Variants in IFTAP observed in about 807,000 individuals in gnomAD.
The protein encoded by IFTAP is intraflagellar transport-associated protein.
Under a neutral mutation model 19.4 loss-of-function variants are expected in IFTAP, and 19 were observed. That is an observed-to-expected ratio of 0.98 (90% CI 0.68 to 1.44). The LOEUF (loss-of-function observed/expected upper bound fraction) is 1.44, where lower values mean the gene tolerates loss of function less well. IFTAP is among the 40% of genes most tolerant of loss of function. The pLI, the probability that IFTAP is intolerant of heterozygous loss-of-function variation, is 0.00. For missense variants in IFTAP, 240 were observed against 253.6 expected (o/e 0.95, Z 0.36); for synonymous variants, 85 against 83.5 (o/e 1.02, Z -0.10).
At chr11:36,629,254 A>G (rs111274079) in intron 2 of IFTAP, among the ~76,000 whole-genome samples, 15 of 151,194 alleles carry the variant, frequency 9.9e-5, no homozygotes, top group African/African-American at 3.7e-4. Context: ...AGAGTACCCA[A>G]CCTTGTTATA....
intron 5 of IFTAP, among the ~76,000 whole-genome samples, chr11:36,651,471 G>A (rs1287313522): frequency 6.6e-6 from 1 of 152,140 alleles, no homozygotes; most frequent in East Asian, 1.9e-4. Context: ...CAGATGAGTA[G>A]ATTGCAAAAA....
chr11:36,625,139 CT>C (rs1333467977), intron 2 of IFTAP, among the ~76,000 whole-genome samples: 1 of 152,038 alleles, frequency 6.6e-6, no homozygotes, highest in Non-Finnish European at 1.5e-5. Context: ...ACTAGGTGGT[CT>C]TGGGAAACTT....
intron 2 of IFTAP, among the ~76,000 whole-genome samples, chr11:36,631,676 A>C (rs1262015238): frequency 6.6e-6 from 1 of 151,226 alleles, no homozygotes; most frequent in South Asian, 2.1e-4. Context: ...AGATAAAACA[A>C]TTGCTGAGTC....
intron 2 of IFTAP, among the ~76,000 whole-genome samples, chr11:36,630,020 T>A (rs1331124917): frequency 6.6e-6 from 1 of 151,198 alleles, no homozygotes; most frequent in Admixed American, 6.6e-5. Context: ...AGGGATAAGA[T>A]GAAAGGGTGG....
intron 4 of IFTAP, among the ~76,000 whole-genome samples, chr11:36,640,703 T>A (rs1401655338): frequency 6.6e-6 from 1 of 152,210 alleles, no homozygotes; most frequent in Non-Finnish European, 1.5e-5. Context: ...AGAACTCGTA[T>A]CTAGTACTGT....
At chr11:36,648,746 G>T (rs919420523) in intron 5 of IFTAP, among the ~76,000 whole-genome samples, 1 of 152,064 alleles carries the variant, frequency 6.6e-6, no homozygotes, top group Non-Finnish European at 1.5e-5. Flanking sequence ...GTACCTGGAG[G>T]GGAGGAGAGA....
At chr11:36,649,644 A>G (rs1279786026) in intron 5 of IFTAP, among the ~76,000 whole-genome samples, 1 of 152,158 alleles carries the variant, frequency 6.6e-6, no homozygotes, top group Non-Finnish European at 1.5e-5. Context: ...TCTGGAATCT[A>G]TCAAATAGCA....
chr11:36,604,555 A>G (rs1268763879), intron 1 of IFTAP, among the ~76,000 whole-genome samples: 3 of 152,224 alleles, frequency 2.0e-5, no homozygotes, highest in African/African-American at 2.4e-5. Flanking sequence ...TAGGTCTCTA[A>G]TATATAATGA....
chr11:36,606,529 AT>A (rs1280478182), intron 1 of IFTAP, among the ~76,000 whole-genome samples: 3 of 152,240 alleles, frequency 2.0e-5, no homozygotes, highest in Admixed American at 1.3e-4. Context: ...GCCTAGAAGG[AT>A]TTTGAATTTG....
intron 4 of IFTAP, among the ~76,000 whole-genome samples, chr11:36,641,398 C>T (rs1166661997): frequency 6.6e-6 from 1 of 152,094 alleles, no homozygotes; most frequent in Non-Finnish European, 1.5e-5. Flanking sequence ...AACAAAAGAT[C>T]TTTGAGATCT....
intron 2 of IFTAP, among the ~76,000 whole-genome samples, chr11:36,618,687 G>T (rs1371326364): frequency 1.3e-5 from 2 of 152,044 alleles, no homozygotes; most frequent in African/African-American, 4.8e-5. Flanking sequence ...AGAAGGGAGA[G>T]CCTGAGAAGG....
chr11:36,638,027 C>A (rs578124340), intron 4 of IFTAP, among the ~76,000 whole-genome samples: 1 of 152,076 alleles, frequency 6.6e-6, no homozygotes, highest in East Asian at 1.9e-4. Context: ...ATTACAGGTG[C>A]ATGCTGCCAT....
intron 1 of IFTAP, among the ~76,000 whole-genome samples, chr11:36,599,711 T>G (rs1433754339): frequency 6.6e-6 from 1 of 152,218 alleles, no homozygotes; most frequent in Non-Finnish European, 1.5e-5. Flanking sequence ...TGTCGATCCA[T>G]CCTTAAAAAA....
intron 5 of IFTAP, among the ~76,000 whole-genome samples, chr11:36,652,241 G>A (rs1211638401): frequency 6.6e-6 from 1 of 152,154 alleles, no homozygotes; most frequent in Non-Finnish European, 1.5e-5. Context: ...GCAGTGGTTT[G>A]TAGTTCTCCT....
At chr11:36,635,257 C>G (rs11033728) in intron 3 of IFTAP, among the ~76,000 whole-genome samples, 6,208 of 152,230 alleles carry the variant, frequency 0.041, 413 homozygotes, top group African/African-American at 0.14. Context: ...AACCTTATTC[C>G]TTTACTAGGT....
At chr11:36,631,434 G>A (rs75724682) in intron 2 of IFTAP, among the ~76,000 whole-genome samples, 2,915 of 151,430 alleles carry the variant, frequency 0.019, 109 homozygotes, top group South Asian at 0.034. Context: ...CAGTATATCT[G>A]TGTTATGTCC....
chr11:36,639,315 C>T (rs959183947), intron 4 of IFTAP, among the ~76,000 whole-genome samples: 8 of 151,180 alleles, frequency 5.3e-5, no homozygotes, highest in Admixed American at 6.6e-5. Flanking sequence ...TCTTGGTCAG[C>T]GGGTGTACTT....
At chr11:36,631,003 A>G (rs1477399426) in intron 2 of IFTAP, among the ~76,000 whole-genome samples, 1 of 151,366 alleles carries the variant, frequency 6.6e-6, no homozygotes, top group Non-Finnish European at 1.5e-5. Flanking sequence ...GGACTGATAC[A>G]GGACATCTCT....
intron 2 of IFTAP, among the ~76,000 whole-genome samples, chr11:36,617,121 G>T (rs2133398086): frequency 6.7e-6 from 1 of 149,766 alleles, no homozygotes; most frequent in East Asian, 2.0e-4. Flanking sequence ...TATTTGAAAT[G>T]ATAATATTTT....
Sources: gnomAD v4.1 joint callset for allele counts (sites outside exome capture counted in the v4.1 genomes callset) on GRCh38, gnomAD v4.1.1 for gene constraint, MANE v1.5 for transcripts, NCBI Gene and HGNC (gene_info 2026-07-23, HGNC 2026-07-21) for gene names.